ACACB: variants seen among roughly 807,000 people sequenced by gnomAD.
ACACB encodes the protein acetyl-CoA carboxylase beta.
ACACB carries 209 observed loss-of-function variants against 278.8 expected under a neutral mutation model. That is an observed-to-expected ratio of 0.75 (90% CI 0.67 to 0.84). ACACB has a LOEUF of 0.84. Ranked by LOEUF, ACACB falls within the 40% of genes least tolerant of loss-of-function variation. The probability of loss-of-function intolerance (pLI) is 0.00; values close to 1 mark genes in which losing one functional copy is unlikely to be tolerated. For synonymous variants in ACACB, 1,174 were observed against 1,285.6 expected, an observed-to-expected ratio of 0.91 and a Z score of 1.86; for missense variants, 2,850 against 3,269.0, an observed-to-expected ratio of 0.87 and a Z score of 3.13.
In ACACB at chr12:109,210,117, A is replaced by C. The variant is rs535194774; in HGVS notation, c.3249+764A>C. Among the ~76,000 whole-genome samples, 5 of 114,238 alleles carry C rather than the reference A, an allele frequency of 4.4e-5. No individual in the cohort carries two copies. The South Asian group carries it at 1.1e-3, about 25-fold the overall frequency. The allele number at this position is 114,238 out of a possible 152,430, so 74.9% of individuals were successfully genotyped here. A position where few individuals can be genotyped will look rare whatever the true frequency, so the allele number is the denominator to read the frequency against. Reference sequence around the variant, plus strand: ...CACATGTGTGTGTATATGTATATATACACGTACATGTATGTGTGTATATAT... The same window carrying C: ...CACATGTGTGTGTATATGTATATATCCACGTACATGTATGTGTGTATATAT... On this transcript the variant is annotated intron_variant, in intron 21 of 52. Coordinates refer to ENST00000338432, the MANE Select transcript of ACACB (RefSeq NM_001093.4).
upstream of ACACB, among the ~76,000 whole-genome samples, chr12:109,114,422 C>T (rs909264355): frequency 2.6e-5 from 4 of 152,020 alleles, no homozygotes; most frequent in African/African-American, 9.7e-5. Context: ...AAAGCCAGAC[C>T]CCATCCCTGG....
Position 109,172,277 on chromosome 12 carries a change from G to A in ACACB, c.1038G>A (p.Ala346=), listed in dbSNP as rs575445770. 2.2e-5 allele frequency: 36 copies of A among 1,613,770 alleles called. No homozygotes were observed. Among genetic ancestry groups the A allele is most frequent in the East Asian group, 1.3e-4 (6 of 44,874 alleles). ...CTCACCCCTTTCTGTGTTTGCAGGC[G>A]GTGTGGGCTGGCTGGGGCCATGCTT... is the stretch of plus-strand genomic sequence containing the variant. The part of the protein sequence containing the change: ...VDIAKRIPVQ[A]VWAGWGHASE... The change falls in exon 6 of 53, where the codon GCG becomes GCA. Residue 346 remains alanine (A), a splice_region_variant and synonymous_variant. Coordinates refer to ENST00000338432, the MANE Select transcript of ACACB (RefSeq NM_001093.4).
At chr12:109,210,512 CACAT>C (rs1234187076) in intron 21 of ACACB, among the ~76,000 whole-genome samples, 4 of 145,994 alleles carry the variant, frequency 2.7e-5, no homozygotes, top group African/African-American at 7.6e-5. Flanking sequence ...TGTATATACG[CACAT>C]ACATGTGTAT....
chr12:109,179,411 G>A, intron 10 of ACACB, 114 bp downstream of exon 10: 2 of 1,112,622 alleles, frequency 1.8e-6, no homozygotes, highest in Non-Finnish European at 2.6e-6. Context: ...CCTAACAAGA[G>A]GGATGAGGGC....
chr12:109,252,160 A>G lies in ACACB; in HGVS notation c.5901+4A>G, dbSNP rs747781487. 48 of 1,604,080 alleles carry G rather than the reference A, an allele frequency of 3.0e-5. No homozygotes were observed. In the Admixed American group the frequency reaches 5.4e-4, roughly 18 times the overall value. On this transcript the variant is annotated splice_donor_region_variant and intron_variant, in intron 42 of 52. Transcript: ENST00000338432. ...AGGAGCAAGTGCTCTCAACAAGGTGACCAAAAAGGGGCCTGTGCAGAGTGG... is the reference window on the plus strand; with the variant it reads ...AGGAGCAAGTGCTCTCAACAAGGTGGCCAAAAAGGGGCCTGTGCAGAGTGG...
intron 21 of ACACB, among the ~76,000 whole-genome samples, chr12:109,210,518 CATGTGTAT>C (rs977737516): frequency 1.0e-4 from 15 of 146,610 alleles, no homozygotes; most frequent in South Asian, 4.3e-4. Flanking sequence ...TACGCACATA[CATGTGTAT>C]ATGTGTATAT....
chr12:109,163,366 C>T (rs1366233713), intron 2 of ACACB, among the ~76,000 whole-genome samples: 1 of 152,134 alleles, frequency 6.6e-6, no homozygotes, highest in Non-Finnish European at 1.5e-5. Flanking sequence ...GGATGTTGCA[C>T]TCATAGGAAG....
chr12:109,173,101 A>T (rs940920836), intron 6 of ACACB, among the ~76,000 whole-genome samples: 1 of 152,198 alleles, frequency 6.6e-6, no homozygotes, highest in Non-Finnish European at 1.5e-5. Flanking sequence ...CTCACTTATA[A>T]GTGGGAGCTA....
At chr12:109,190,926 G>A (rs961406459) in intron 13 of ACACB, among the ~76,000 whole-genome samples, 2 of 152,026 alleles carry the variant, frequency 1.3e-5, no homozygotes, top group African/African-American at 2.4e-5. Flanking sequence ...ATGCCTGGCT[G>A]GTTCTTTCTC....
At chr12:109,209,823 A>ACATACACACACGTGTG (rs2045630706) in intron 21 of ACACB, among the ~76,000 whole-genome samples, 1 of 142,418 alleles carries the variant, frequency 7.0e-6, no homozygotes, top group Non-Finnish European at 1.5e-5. Flanking sequence ...ATATATATGC[A>ACATACACACACGTGTG]TATATATACA....
intron 48 of ACACB, 122 bp from the exon 49 acceptor site, chr12:109,262,235 A>G: frequency 1.4e-6 from 1 of 698,388 alleles, no homozygotes; most frequent in Admixed American, 2.5e-5. Flanking sequence ...TGGGGGTAAA[A>G]GAGCTGAGGA....
At chr12:109,216,554 T>A (rs2046004739) in intron 22 of ACACB, 64 bp from the exon 23 acceptor site, 1 of 1,491,650 alleles carries the variant, frequency 6.7e-7, no homozygotes, top group Non-Finnish European at 9.3e-7. Context: ...TAAAAAAAAA[T>A]ACTAAATATT....
At chr12:109,158,464 T>C (rs748771350) in intron 2 of ACACB, among the ~76,000 whole-genome samples, 8 of 152,004 alleles carry the variant, frequency 5.3e-5, no homozygotes, top group Non-Finnish European at 1.2e-4. Flanking sequence ...GGAGGGTTGC[T>C]TGAGGAGTTT....
chr12:109,207,727 A>G (rs936225802), intron 20 of ACACB, among the ~76,000 whole-genome samples: 1 of 152,156 alleles, frequency 6.6e-6, no homozygotes, highest in Admixed American at 6.6e-5. Flanking sequence ...CACCCACACC[A>G]AAGTGTGGTG....
In ACACB at chr12:109,262,359, G is replaced by T. The variant is rs139062970; in HGVS notation, c.6677G>T (p.Gly2226Val). ...IEMYADKESR[G>V]GVLEPEGTVE... Reference sequence around the variant, plus strand: ...ATCCCTGCCTCTTCTCTTTTAAGGGGTGGTGTTCTGGAACCAGAGGGGACA... The same window carrying T: ...ATCCCTGCCTCTTCTCTTTTAAGGGTTGGTGTTCTGGAACCAGAGGGGACA... Residue 2226 changes from glycine (G) to valine (V), a missense_variant and splice_region_variant, in exon 49 of 53, where the codon GGT becomes GTT. Physicochemically the swap from Gly to Val is moderately radical, Grantham distance 109. Around this residue, in one of 3 missense-constraint regions of ACACB, gnomAD observed 579 missense variants for 684.6 expected, o/e 0.85. Transcript: ENST00000338432. 16 of 1,612,576 alleles carry T rather than the reference G, an allele frequency of 9.9e-6. No homozygotes were observed. The highest frequency in any genetic ancestry group is 1.4e-5 in the Non-Finnish European group (16 of 1,179,026).
intron 1 of ACACB, among the ~76,000 whole-genome samples, chr12:109,133,836 CATATATATATATATAT>C (rs71443838): frequency 4.5e-5 from 2 of 44,692 alleles, no homozygotes; most frequent in Non-Finnish European, 8.2e-5. Context: ...AATGTGTGTG[CATATATATATATATAT>C]ATATATATAT....
intron 17 of ACACB, among the ~76,000 whole-genome samples, chr12:109,197,842 C>CA (rs1488047762): frequency 6.6e-6 from 1 of 152,132 alleles, no homozygotes; most frequent in Non-Finnish European, 1.5e-5. Context: ...TCTCAATCCT[C>CA]AATGTTTTGG....
chr12:109,254,133 A>G (rs2047164695), intron 43 of ACACB, 81 bp from the exon 44 acceptor site: 2 of 1,536,892 alleles, frequency 1.3e-6, no homozygotes, highest in Non-Finnish European at 1.8e-6. Context: ...GCATAATCAT[A>G]GTCAGAGGAG....
At chr12:109,211,505 G>C (rs55907833) in intron 21 of ACACB, among the ~76,000 whole-genome samples, 1 of 151,880 alleles carries the variant, frequency 6.6e-6, no homozygotes, top group Non-Finnish European at 1.5e-5. Flanking sequence ...TGCCTGCCTC[G>C]GCCTCCCAGA....
Sources: gnomAD v4.1 joint callset for allele counts (sites outside exome capture counted in the v4.1 genomes callset) on GRCh38, gnomAD v4.1.1 for gene constraint, gnomAD v4.1.1 regional missense constraint, MANE v1.5 for transcripts, NCBI Gene and HGNC (gene_info 2026-07-23, HGNC 2026-07-21) for gene names.